The following TMPRSS4 variants were observed in gnomAD, a reference collection of about 807,000 sequenced individuals.
TMPRSS4 encodes transmembrane serine protease 4, also known as transmembrane protease serine 4.
TMPRSS4 carries 45 observed loss-of-function variants against 56.4 expected under a neutral mutation model. That is an observed-to-expected ratio of 0.80 (90% CI 0.63 to 1.02). The LOEUF is 1.02. Among genes scored for constraint, TMPRSS4 ranks in the 50% least tolerant of loss-of-function variants. The pLI, the probability that TMPRSS4 is intolerant of heterozygous loss-of-function variation, is 0.00. For synonymous variants in TMPRSS4, 205 were observed against 211.0 expected, an observed-to-expected ratio of 0.97 and a Z score of 0.25; for missense variants, 546 against 556.7, an observed-to-expected ratio of 0.98 and a Z score of 0.19.
intron 9 of TMPRSS4, 93 bp from the exon 10 acceptor site, chr11:118,114,736 C>A: frequency 7.5e-7 from 1 of 1,335,570 alleles, no homozygotes; most frequent in Non-Finnish European, 1.0e-6. Flanking sequence ...CCCAGACCAG[C>A]AAGATCCCCA....
At chr11:118,104,292 A>G (rs1946875573) in intron 4 of TMPRSS4, among the ~76,000 whole-genome samples, 1 of 152,098 alleles carries the variant, frequency 6.6e-6, no homozygotes, top group Non-Finnish European at 1.5e-5. Flanking sequence ...TCTCTCAGAC[A>G]TTTCCCCAGG....
chr11:118,112,982 C>T (rs948429457), intron 8 of TMPRSS4, among the ~76,000 whole-genome samples: 8 of 151,996 alleles, frequency 5.3e-5, no homozygotes, highest in African/African-American at 1.9e-4. Context: ...GAGGAGAGAG[C>T]GCCAGGACCT....
intron 1 of TMPRSS4, among the ~76,000 whole-genome samples, chr11:118,093,817 T>TG (rs1315823120): frequency 3.9e-5 from 1 of 25,606 alleles, no homozygotes; most frequent in East Asian, 1.0e-3. Context: ...AATAACTAAC[T>TG]GCCCCCCCCA....
intron 11 of TMPRSS4, among the ~76,000 whole-genome samples, chr11:118,116,126 T>A (rs1947535099): frequency 6.6e-6 from 1 of 152,214 alleles, no homozygotes; most frequent in Non-Finnish European, 1.5e-5. Flanking sequence ...TTTTTTCTTT[T>A]ATGTTTTTTA....
At chr11:118,078,571 C>G (rs1443384909) in intron 1 of TMPRSS4, among the ~76,000 whole-genome samples, 1 of 152,182 alleles carries the variant, frequency 6.6e-6, no homozygotes, top group African/African-American at 2.4e-5. Context: ...AAGGAGGCGC[C>G]CCAAAGTTTG....
chr11:118,093,750 T>C (rs10736490), intron 1 of TMPRSS4, among the ~76,000 whole-genome samples: 139,217 of 152,102 alleles, frequency 0.92, 63,802 homozygotes, highest in Non-Finnish European at 0.93. Flanking sequence ...TAACCAATGT[T>C]GAAAACAAGA....
At chr11:118,088,880 G>T (rs144162158) in intron 1 of TMPRSS4, among the ~76,000 whole-genome samples, 1 of 152,160 alleles carries the variant, frequency 6.6e-6, no homozygotes, top group Non-Finnish European at 1.5e-5. Context: ...AATTCTATCC[G>T]ACCTCTGTTT....
At chr11:118,087,808 G>A (rs930896611) in intron 1 of TMPRSS4, 3 of 152,320 alleles carry the variant, frequency 2.0e-5, no homozygotes, top group Non-Finnish European at 4.4e-5. Context: ...AATAAAGGAA[G>A]AAGAGGCAGG....
chr11:118,099,190 C>T (rs1228426446), intron 3 of TMPRSS4, 92 bp downstream of exon 3: 12 of 1,000,316 alleles, frequency 1.2e-5, no homozygotes, highest in Non-Finnish European at 1.6e-5. Context: ...AAGTGACAGT[C>T]CCCCACCCCT....
Position 118,115,281 on chromosome 11 carries a change from G to T in TMPRSS4, c.1152+1G>T. ...GGAAGGGGGTGTGGACACCTGCCAGGTGGGGCCTCCAAGAATCATGGGGAG... is the reference window on the plus strand; with the variant it reads ...GGAAGGGGGTGTGGACACCTGCCAGTTGGGGCCTCCAAGAATCATGGGGAG... On this transcript the variant is annotated splice_donor_variant, in intron 11 of 12. Transcript: ENST00000437212. LOFTEE classifies it high-confidence loss of function. The T allele has an allele frequency of 2.5e-6, 4 of 1,612,278 alleles. No individual in the cohort carries two copies. The highest frequency in any genetic ancestry group is 3.4e-6 in the Non-Finnish European group (4 of 1,179,752).
In TMPRSS4 at chr11:118,094,829, A is replaced by G. The variant is rs762393761; in HGVS notation, c.17A>G (p.Asp6Gly). MLQDPDSDQPLNSLDV... is the reference protein window; with the variant it reads MLQDPGSDQPLNSLDV... The stretch of plus-strand genomic sequence containing the variant: ...TTTTTCCTTCAATTACAGGATCCTG[A>G]CAGTGATCAACCTCTGAACAGCCTC... Residue 6 changes from aspartate to glycine, a missense_variant, in exon 2 of 13, where the codon GAC (aspartate) becomes GGC (glycine). Asp to Gly is a moderately conservative substitution (Grantham distance 94, BLOSUM62 -1). Transcript: ENST00000437212. 35 of 1,612,110 alleles carry G rather than the reference A, an allele frequency of 2.2e-5. No individual in the cohort carries two copies. Among genetic ancestry groups the G allele is most frequent in the Non-Finnish European group, 2.4e-5 (28 of 1,179,320 alleles).
chr11:118,093,287 G>A (rs1424322016), intron 1 of TMPRSS4, among the ~76,000 whole-genome samples: 6 of 152,172 alleles, frequency 3.9e-5, no homozygotes, highest in Admixed American at 3.9e-4. Context: ...ATTAAAAGAG[G>A]CCCTCTCACT....
chr11:118,088,352 T>A (rs1440881752), intron 1 of TMPRSS4: 1 of 151,930 alleles, frequency 6.6e-6, no homozygotes, highest in Non-Finnish European at 1.5e-5. Context: ...CTGCAATAAC[T>A]AATGGTTCTG....
intron 2 of TMPRSS4, chr11:118,095,504 A>G (rs1400742178): frequency 1.3e-5 from 2 of 152,508 alleles, no homozygotes; most frequent in Non-Finnish European, 2.9e-5. Flanking sequence ...GTTAATAATG[A>G]CCACAAATGA....
At chr11:118,082,627 G>C (rs1272063549) in intron 1 of TMPRSS4, among the ~76,000 whole-genome samples, 1 of 152,074 alleles carries the variant, frequency 6.6e-6, no homozygotes, top group Admixed American at 6.6e-5. Flanking sequence ...GGGTCATTCA[G>C]CCAAGGGCAA....
chr11:118,085,743 C>G (rs973432045), intron 1 of TMPRSS4, among the ~76,000 whole-genome samples: 1 of 152,158 alleles, frequency 6.6e-6, no homozygotes, highest in Non-Finnish European at 1.5e-5. Flanking sequence ...AACTGTGTGG[C>G]GGGACCCCTT....
intron 1 of TMPRSS4, among the ~76,000 whole-genome samples, chr11:118,093,012 G>A (rs1174762743): frequency 1.3e-5 from 2 of 152,176 alleles, no homozygotes; most frequent in African/African-American, 4.8e-5. Context: ...TTTCCTGAAA[G>A]CACACAGTTA....
rs540743212 is a variant in TMPRSS4, at chr11:118,113,743, T to A, written c.910+308T>A. ...TTTAGGAGACCTTTTAAAAAGATTA[T>A]CGAGCTAATTCCCCACCACTGACCA... On this transcript the variant is annotated intron_variant, in intron 9 of 12. Transcript: ENST00000437212. 3.3e-5 allele frequency among the ~76,000 whole-genome samples: 5 copies of A among 152,314 alleles called. No individual in the cohort carries two copies. The East Asian group carries it at 9.6e-4, about 29-fold the overall frequency.
At chr11:118,104,611 G>T (rs989318468) in intron 4 of TMPRSS4, 80 bp from the exon 5 acceptor site, 13 of 1,604,678 alleles carry the variant, frequency 8.1e-6, no homozygotes, top group East Asian at 2.2e-5. Context: ...GGGAGCTTGG[G>T]CTGGTCTCAT....
Sources: allele counts gnomAD v4.1 joint callset (sites outside exome capture counted in the v4.1 genomes callset), GRCh38; gene constraint gnomAD v4.1.1; transcripts MANE v1.5; gene names NCBI Gene and HGNC (gene_info 2026-07-23, HGNC 2026-07-21).